CWF19L1: variants seen among roughly 807,000 people sequenced by gnomAD.
CWF19L1 encodes CWF19 like cell cycle control factor 1.
In CWF19L1, 60 loss-of-function variants were observed where a neutral mutation model predicts 69.7. That is an observed-to-expected ratio of 0.86 (90% CI 0.70 to 1.07). The LOEUF (loss-of-function observed/expected upper bound fraction) is 1.07. Among genes scored for constraint, CWF19L1 ranks in the 50% least tolerant of loss-of-function variants. The pLI is 0.00. For synonymous variants in CWF19L1, 209 were observed against 222.2 expected (o/e 0.94, Z 0.53); for missense variants, 591 against 638.9 (o/e 0.92, Z 0.81).
intron 9 of CWF19L1, 59 bp from the exon 10 acceptor site, chr10:100,243,836 C>T (rs1396213220): frequency 7.5e-7 from 1 of 1,331,346 alleles, no homozygotes; most frequent in Admixed American, 1.7e-5. Context: ...ATATAATCAC[C>T]CCACAGAACT....
chr10:100,252,414 G>A (rs1417051805), intron 6 of CWF19L1, among the ~76,000 whole-genome samples: 5 of 148,492 alleles, frequency 3.4e-5, no homozygotes, highest in Non-Finnish European at 7.4e-5. Context: ...CAGCCTGGGC[G>A]ACAGAGCAAG....
At position 100,243,149 on chromosome 10, in the gene CWF19L1, A is replaced by T. The variant is rs192128949; in HGVS notation, c.1044+549T>A. On this transcript the variant is annotated intron_variant, in intron 10 of 13. Transcript: ENST00000354105. ...AAATATAGACCATTCCTAGGTCTATATCCACACAAAGACTTGCATGCAGAT... is the reference window on the plus strand; with the variant it reads ...AAATATAGACCATTCCTAGGTCTATTTCCACACAAAGACTTGCATGCAGAT... 1.1e-3 allele frequency among the ~76,000 whole-genome samples: 161 copies of T among 152,336 alleles called. 1 individual carries two copies. Among genetic ancestry groups the T allele is most frequent in the Admixed American group, 3.2e-3 (49 of 15,296 alleles).
At position 100,238,111 on chromosome 10, in the gene CWF19L1, T is replaced by C. The variant is rs759163828; in HGVS notation, c.1165A>G (p.Lys389Glu). 8 of 1,614,072 alleles carry C rather than the reference T, an allele frequency of 5.0e-6. No individual in the cohort carries two copies. Among genetic ancestry groups the C allele is most frequent in the Non-Finnish European group, 6.8e-6 (8 of 1,180,042 alleles). The change falls in exon 11 of 14, where the codon AAG becomes GAG. Residue 389 changes from lysine (K) to glutamate (E), a missense_variant. Transcript: ENST00000354105. ...TTAAAGAACCGTCTCAGAGTGGCCT[T>C]ATACTTCTCCACCTCTTCTACCACC... is the stretch of plus-strand genomic sequence containing the variant. ...AEVVEEVEKY[K>E]ATLRRFFKSR... is the part of the protein sequence containing the mutation.
intron 4 of CWF19L1, among the ~76,000 whole-genome samples, chr10:100,256,829 T>G (rs895805790): frequency 3.9e-5 from 6 of 152,186 alleles, no homozygotes; most frequent in Non-Finnish European, 5.9e-5. Flanking sequence ...TGCAGACATC[T>G]GGACACAGGA....
intron 7 of CWF19L1, chr10:100,248,374 T>C: frequency 2.4e-6 from 2 of 822,844 alleles, no homozygotes; most frequent in Admixed American, 1.8e-5. Flanking sequence ...AGAGCTGTCA[T>C]CTTTGACCGA....
In CWF19L1 at chr10:100,261,919, C is replaced by G; in HGVS notation, c.108+60G>C. Reference sequence around the variant, plus strand: ...CAATCAAGACTTAAAGGAGTGCAAACTTTATTTTTATGTGTGACTACAAAG... The same window carrying G: ...CAATCAAGACTTAAAGGAGTGCAAAGTTTATTTTTATGTGTGACTACAAAG... On this transcript the variant is annotated intron_variant, in intron 2 of 13. Coordinates refer to ENST00000354105, the MANE Select transcript of CWF19L1 (RefSeq NM_018294.6). 3.4e-6 allele frequency: 5 copies of G among 1,472,356 alleles called. 1 individual carries two copies. In the East Asian group the frequency reaches 1.2e-4, roughly 34 times the overall value. The allele number at this position is 1,472,356 out of a possible 1,614,324, so 91.2% of individuals were successfully genotyped here.
At chr10:100,243,254 G>A (rs114797577) in intron 10 of CWF19L1, among the ~76,000 whole-genome samples, 1,683 of 152,130 alleles carry the variant, frequency 0.011, 20 homozygotes, top group African/African-American at 0.038. Flanking sequence ...AGATATAGAC[G>A]AAATGTGGTA....
intron 10 of CWF19L1, among the ~76,000 whole-genome samples, 166 bp downstream of exon 10, chr10:100,243,532 T>C (rs1341690789): frequency 6.6e-6 from 1 of 152,194 alleles, no homozygotes; most frequent in Non-Finnish European, 1.5e-5. Context: ...ATAAAAATGT[T>C]CTAAAACTAT....
intron 10 of CWF19L1, among the ~76,000 whole-genome samples, chr10:100,242,158 AAAATC>A (rs1412476110): frequency 2.0e-5 from 3 of 152,198 alleles, no homozygotes; most frequent in Non-Finnish European, 4.4e-5. Context: ...CCACCTGAAT[AAAATC>A]ATACTCAAGA....
At chr10:100,257,887 T>C (rs1847267648) in intron 4 of CWF19L1, among the ~76,000 whole-genome samples, 1 of 152,054 alleles carries the variant, frequency 6.6e-6, no homozygotes, top group South Asian at 2.1e-4. Context: ...CAGCTCTATT[T>C]TTCATCATTA....
intron 4 of CWF19L1, 136 bp from the exon 5 acceptor site, chr10:100,256,612 C>A: frequency 3.0e-6 from 2 of 668,082 alleles, no homozygotes; most frequent in Non-Finnish European, 5.3e-6. Flanking sequence ...TCCAGCAGCT[C>A]CCTTCTGGCT....
At chr10:100,266,304 G>T (rs1469540855) in intron 1 of CWF19L1, among the ~76,000 whole-genome samples, 1 of 149,690 alleles carries the variant, frequency 6.7e-6, no homozygotes, top group Non-Finnish European at 1.5e-5. Flanking sequence ...TGGTCCACCT[G>T]CTTCAGCCTC....
At chr10:100,235,905 T>A in intron 12 of CWF19L1, 141 bp from the exon 13 acceptor site, 11 of 626,778 alleles carry the variant, frequency 1.8e-5, no homozygotes, top group Non-Finnish European at 2.8e-5. Context: ...AGCCACTTAG[T>A]GGAACTAGGG....
Position 100,256,327 on chromosome 10 carries a change from T to C in CWF19L1, c.439A>G (p.Lys147Glu). ...GATGTGAGCAAGATATCAACACCCT[T>C]AAACTGGGAGGTTGTACACAGCATC... ...RMMLCTTSQF[K>E]GVDILLTSPW... Residue 147 changes from lysine (K) to glutamate (E), a missense_variant, in exon 5 of 14, where the codon AAG (lysine) becomes GAG (glutamate). Lys to Glu is a moderately conservative substitution (Grantham distance 56). Around this residue, in one of 3 missense-constraint regions of CWF19L1, gnomAD observed 458 missense variants for 489.3 expected, o/e 0.94. Transcript: ENST00000354105. 6.2e-7 allele frequency: 1 copy of C among 1,614,090 alleles called. No homozygotes were observed. The highest frequency in any genetic ancestry group is 8.5e-7 in the Non-Finnish European group (1 of 1,179,988).
chr10:100,236,101 CTTTTTTT>C (rs781285945), intron 12 of CWF19L1, among the ~76,000 whole-genome samples: 2 of 131,354 alleles, frequency 1.5e-5, no homozygotes, highest in African/African-American at 5.7e-5. Flanking sequence ...TCCACTGCCT[CTTTTTTT>C]TTTTTTTTTT....
chr10:100,267,629 A>C lies in CWF19L1; in HGVS notation c.-36T>G, dbSNP rs1480432707. ...AGTATGGGTTGCGACTGCCACCTAA[A>C]ATTGGGAATGCGAATCCGCGCTCCC... On this transcript the variant is annotated 5_prime_UTR_variant, in exon 1 of 14. It adds an upstream start codon to the 5' untranslated region. Transcript: ENST00000354105. The C allele has an allele frequency of 1.9e-6, 3 of 1,614,010 alleles. No individual in the cohort carries two copies. Among genetic ancestry groups the C allele is most frequent in the Admixed American group, 1.7e-5 (1 of 60,022 alleles).
At chr10:100,245,385 A>T (rs1265649373) in intron 9 of CWF19L1, among the ~76,000 whole-genome samples, 1 of 152,186 alleles carries the variant, frequency 6.6e-6, no homozygotes, top group Non-Finnish European at 1.5e-5. Flanking sequence ...TTTTAGGACA[A>T]AGAAAATTGC....
In CWF19L1 at chr10:100,260,965, C is replaced by T. The variant is rs1330992740; in HGVS notation, c.187+1G>A. On this transcript the variant is annotated splice_donor_variant, in intron 3 of 13. Transcript: ENST00000354105. LOFTEE classifies it high-confidence loss of function. ...ATGTTAAATAAAAATAATTTCTATACCTTTCTTGATGCCAGTCTTATACTC... is the reference window on the plus strand; with the variant it reads ...ATGTTAAATAAAAATAATTTCTATATCTTTCTTGATGCCAGTCTTATACTC... The T allele has an allele frequency of 6.3e-7, 1 of 1,588,152 alleles. No individual in the cohort carries two copies. Among genetic ancestry groups the T allele is most frequent in the Non-Finnish European group, 8.6e-7 (1 of 1,161,644 alleles).
At chr10:100,245,941 A>G (rs1846806270) in intron 8 of CWF19L1, 28 bp from the exon 9 acceptor site, 1 of 1,538,874 alleles carries the variant, frequency 6.5e-7, no homozygotes, top group Non-Finnish European at 9.0e-7. Context: ...AGAAGATTAA[A>G]TGTTATTCAA....
Sources: allele counts gnomAD v4.1 joint callset (sites outside exome capture counted in the v4.1 genomes callset), GRCh38; gene constraint gnomAD v4.1.1; regional missense constraint gnomAD v4.1.1; transcripts MANE v1.5; gene names NCBI Gene and HGNC (gene_info 2026-07-23, HGNC 2026-07-21).